MBNL2: variants seen among roughly 807,000 people sequenced by gnomAD.
MBNL2 encodes the protein muscleblind like splicing regulator 2, also known as muscleblind-like protein 2.
A neutral mutation model predicts 41.9 loss-of-function variants in MBNL2; 17 were observed. That is an observed-to-expected ratio of 0.41 (90% CI 0.28 to 0.61). MBNL2 has a LOEUF of 0.61. Ranked by LOEUF, MBNL2 falls within the 20% of genes least tolerant of loss-of-function variation. The probability of loss-of-function intolerance (pLI) is 0.35; values close to 1 mark genes in which losing one functional copy is unlikely to be tolerated. For synonymous variants in MBNL2, 195 were observed against 182.9 expected, an observed-to-expected ratio of 1.07 and a Z score of -0.53; for missense variants, 336 against 505.6, an observed-to-expected ratio of 0.66 and a Z score of 3.22.
chr13:97,353,996 T>C lies in MBNL2; in HGVS notation c.805-2800T>C, dbSNP rs543340010. Among the ~76,000 whole-genome samples the C allele has an allele frequency of 3.3e-5, 5 of 151,526 alleles. No individual in the cohort carries two copies. The East Asian group carries it at 7.8e-4, about 24-fold the overall frequency. On this transcript the variant is annotated intron_variant, in intron 5 of 8. Coordinates refer to ENST00000679496, the MANE Select transcript of MBNL2 (RefSeq NM_001382683.1). The stretch of plus-strand genomic sequence containing the variant: ...TGCCTATCATGTCTGATGTAGGCAC[T>C]TGGTTCGATTACCTTGATTTGCAGG...
chr13:97,145,989 C>CTTTTCTTTTCTTT, the MBNL2 span, among the ~76,000 whole-genome samples: 78 of 141,762 alleles, frequency 5.5e-4, 1 homozygote, highest in African/African-American at 2.2e-3. Flanking sequence ...CTTTTCTTTT[C>CTTTTCTTTTCTTT]TTTTCTTTTC....
rs144506210 is a variant in MBNL2, at chr13:97,364,129, T to C, written c.1013-1007T>C. Among the ~76,000 whole-genome samples the C allele has an allele frequency of 9.2e-3, 1,406 of 152,330 alleles. 40 individuals are homozygous for C. Among genetic ancestry groups the C allele is most frequent in the Admixed American group, 0.057 (872 of 15,294 alleles). ...TTCTTTCAGTTCTCCACAACATGCC[T>C]GAATATAATATTCATGGTCAGAGTC... On this transcript the variant is annotated intron_variant, in intron 7 of 8. Transcript: ENST00000679496.
At chr13:97,283,026 T>G (rs576652142) in intron 2 of MBNL2, among the ~76,000 whole-genome samples, 15 of 152,318 alleles carry the variant, frequency 9.8e-5, no homozygotes, top group African/African-American at 3.6e-4. Flanking sequence ...GTTCACCATT[T>G]CCTTTAACAT....
At chr13:97,378,709 A>G (rs1298823197) in intron 8 of MBNL2, among the ~76,000 whole-genome samples, 1 of 152,210 alleles carries the variant, frequency 6.6e-6, no homozygotes, top group Non-Finnish European at 1.5e-5. Flanking sequence ...CAGATCGTAT[A>G]ATATTTAAGT....
chr13:97,357,386 A>G, intron 6 of MBNL2, 96 bp from the exon 7 acceptor site: 3 of 1,066,130 alleles, frequency 2.8e-6, no homozygotes, highest in South Asian at 2.7e-5. Flanking sequence ...CTTAGCTGTC[A>G]TTTTTAAAAA....
chr13:97,257,327 AC>A (rs2152862535), intron 1 of MBNL2, among the ~76,000 whole-genome samples: 1 of 152,304 alleles, frequency 6.6e-6, no homozygotes, highest in South Asian at 2.1e-4. Flanking sequence ...AAAATAATGA[AC>A]AAGTAACTTG....
the MBNL2 span, among the ~76,000 whole-genome samples, chr13:97,142,406 G>C: frequency 0.051 from 7,708 of 152,302 alleles, 243 homozygotes; most frequent in African/African-American, 0.073. Flanking sequence ...CTGAAGGCAA[G>C]GACCTTGTCT....
chr13:97,379,353 T>G (rs1283568488), intron 8 of MBNL2, among the ~76,000 whole-genome samples: 2 of 152,008 alleles, frequency 1.3e-5, no homozygotes, highest in Non-Finnish European at 2.9e-5. Context: ...CTGAAAAGAG[T>G]CTATCAAAAA....
intron 2 of MBNL2, among the ~76,000 whole-genome samples, chr13:97,292,198 C>T (rs1341336275): frequency 1.9e-5 from 2 of 107,062 alleles, no homozygotes; most frequent in Non-Finnish European, 1.7e-5. Flanking sequence ...CAGACTCCAT[C>T]TCAAAAAAAA....
intron 8 of MBNL2, among the ~76,000 whole-genome samples, chr13:97,368,561 T>C (rs1300262104): frequency 1.3e-5 from 2 of 152,148 alleles, no homozygotes; most frequent in Non-Finnish European, 2.9e-5. Context: ...AAGAAATAGT[T>C]TGGAGTTGTA....
chr13:97,146,200 A>G, the MBNL2 span, among the ~76,000 whole-genome samples: 1 of 148,544 alleles, frequency 6.7e-6, no homozygotes, highest in Admixed American at 6.8e-5. Context: ...ATGGGGTTTC[A>G]CCATGTTGGC....
chr13:97,261,277 T>G (rs1330086824), intron 1 of MBNL2, among the ~76,000 whole-genome samples: 1 of 152,102 alleles, frequency 6.6e-6, no homozygotes, highest in Non-Finnish European at 1.5e-5. Flanking sequence ...CTGCTGCCAC[T>G]TGGCATGTTC....
In MBNL2 at chr13:97,286,108, A is replaced by G. The variant is rs146326746; in HGVS notation, c.174+9699A>G. ...AGATGCTAAATATTTCTTAATTTCT[A>G]TCTCAGCCCTGATTTCTCTCCTTAA... On this transcript the variant is annotated intron_variant, in intron 2 of 8. Transcript: ENST00000679496. Among the ~76,000 whole-genome samples, 856 of 152,296 alleles carry G rather than the reference A, an allele frequency of 5.6e-3. 8 individuals are homozygous for G. The highest frequency in any genetic ancestry group is 0.019 in the African/African-American group (810 of 41,552).
chr13:97,360,633 G>T (rs562902393), intron 7 of MBNL2, among the ~76,000 whole-genome samples: 1 of 152,306 alleles, frequency 6.6e-6, no homozygotes, highest in South Asian at 2.1e-4. Flanking sequence ...GGCAGGCACG[G>T]TTATTTGCAT....
chr13:97,312,380 T>C (rs2058690334), intron 2 of MBNL2, among the ~76,000 whole-genome samples: 1 of 152,222 alleles, frequency 6.6e-6, no homozygotes, highest in Non-Finnish European at 1.5e-5. Flanking sequence ...TGAGTACTTT[T>C]CCTTATTTCA....
chr13:97,169,297 T>A, the MBNL2 span, among the ~76,000 whole-genome samples: 1 of 152,188 alleles, frequency 6.6e-6, no homozygotes, highest in Non-Finnish European at 1.5e-5. Flanking sequence ...CTCAGGTGGT[T>A]CCATTTTCTT....
At chr13:97,309,545 C>T (rs2058402833) in intron 2 of MBNL2, among the ~76,000 whole-genome samples, 3 of 152,180 alleles carry the variant, frequency 2.0e-5, no homozygotes, top group Admixed American at 2.0e-4. Context: ...CCTCAGGGCC[C>T]TCAGAAGGAA....
At chr13:97,375,312 A>T (rs1036011659) in intron 8 of MBNL2, among the ~76,000 whole-genome samples, 1 of 152,222 alleles carries the variant, frequency 6.6e-6, no homozygotes, top group Non-Finnish European at 1.5e-5. Context: ...AACGATACTT[A>T]AGAGCTCACT....
chr13:97,351,718 G>C (rs1476403311), intron 5 of MBNL2, among the ~76,000 whole-genome samples: 1 of 152,146 alleles, frequency 6.6e-6, no homozygotes, highest in Non-Finnish European at 1.5e-5. Context: ...AGGAGAGTCA[G>C]GACCTTGCTC....
Sources: gnomAD v4.1 joint callset for allele counts (sites outside exome capture counted in the v4.1 genomes callset) on GRCh38, gnomAD v4.1.1 for gene constraint, MANE v1.5 for transcripts, NCBI Gene and HGNC (gene_info 2026-07-23, HGNC 2026-07-21) for gene names.